Variants in FHIT observed in about 807,000 individuals in gnomAD.
The protein encoded by FHIT is bis(5'-adenosyl)-triphosphatase.
Under a neutral mutation model 17.9 loss-of-function variants are expected in FHIT, and 19 were observed. The ratio of observed to expected loss-of-function variants is 1.06; its 90% CI spans 0.74 to 1.56. The LOEUF (loss-of-function observed/expected upper bound fraction) is 1.56. Ranked by LOEUF, FHIT falls within the 40% of genes most tolerant of loss-of-function variation. The pLI, the probability that FHIT is intolerant of heterozygous loss-of-function variation, is 0.00. For missense variants in FHIT, 248 were observed against 189.2 expected (o/e 1.31, Z -1.82); for synonymous variants, 81 against 69.7 (o/e 1.16, Z -0.81).
intron 5 of FHIT, among the ~76,000 whole-genome samples, chr3:60,258,198 CTGGCAGGTGACTAGTCTGTGGTGT>C (rs1706112375): frequency 6.6e-6 from 1 of 152,044 alleles, no homozygotes; most frequent in Non-Finnish European, 1.5e-5. Flanking sequence ...ATTTCCCTTC[CTGGCAGGTGACTAGTCTGTGGTGT>C]TGTACATCCC....
chr3:60,928,202 C>G (rs139211923), intron 3 of FHIT, among the ~76,000 whole-genome samples: 1 of 151,874 alleles, frequency 6.6e-6, no homozygotes, highest in African/African-American at 2.4e-5. Context: ...CCTAGGAAAA[C>G]CAGAGACCTT....
intron 4 of FHIT, among the ~76,000 whole-genome samples, chr3:60,691,112 T>C (rs1160098879): frequency 1.3e-5 from 2 of 150,476 alleles, no homozygotes; most frequent in African/African-American, 5.0e-5. Context: ...GTCCCTTCAA[T>C]TTTTGTTTTT....
intron 4 of FHIT, among the ~76,000 whole-genome samples, chr3:60,643,465 A>T (rs1327028363): frequency 6.6e-6 from 1 of 152,190 alleles, no homozygotes; most frequent in African/African-American, 2.4e-5. Flanking sequence ...AGCAAAAAGA[A>T]CAAATCTTAA....
intron 4 of FHIT, among the ~76,000 whole-genome samples, chr3:60,540,127 T>C (rs1559524380): frequency 6.6e-6 from 1 of 152,052 alleles, no homozygotes; most frequent in Non-Finnish European, 1.5e-5. Flanking sequence ...TAATGAAGCC[T>C]CTGTAAAAAC....
chr3:60,422,603 A>C (rs1252436168), intron 5 of FHIT, among the ~76,000 whole-genome samples: 2 of 152,170 alleles, frequency 1.3e-5, no homozygotes, highest in African/African-American at 4.8e-5. Context: ...AGACAGTTGC[A>C]GTAACTAAGA....
At chr3:60,313,283 C>T (rs1709027215) in intron 5 of FHIT, among the ~76,000 whole-genome samples, 1 of 152,202 alleles carries the variant, frequency 6.6e-6, no homozygotes, top group African/African-American at 2.4e-5. Flanking sequence ...TCAGGGATCA[C>T]AAGAGGAAAC....
At chr3:59,771,770 T>C (rs1439804904) in intron 8 of FHIT, among the ~76,000 whole-genome samples, 2 of 152,160 alleles carry the variant, frequency 1.3e-5, no homozygotes, top group Non-Finnish European at 2.9e-5. Context: ...CATAAAAAAA[T>C]TTCACAAATT....
rs370122377 is a variant in FHIT at position 59,830,573 on chromosome 3, C to T, written c.349-78252G>A. Among the ~76,000 whole-genome samples the T allele has an allele frequency of 7.0e-4, 107 of 152,300 alleles. 1 individual carries two copies. Among genetic ancestry groups the T allele is most frequent in the African/African-American group, 2.5e-3 (102 of 41,564 alleles). ...TGGGATTTTGCAGTGTGCAGTTTTC[C>T]CCAACAGGCCTAACATTAATCATTA... On this transcript the variant is annotated intron_variant, in intron 8 of 9. Transcript: ENST00000492590.
At chr3:60,772,163 A>G (rs1700066008) in intron 4 of FHIT, among the ~76,000 whole-genome samples, 1 of 152,136 alleles carries the variant, frequency 6.6e-6, no homozygotes, top group Non-Finnish European at 1.5e-5. Context: ...AGAAAAAAAA[A>G]AAGTTGCAGT....
chr3:59,836,622 C>T (rs1299447049), intron 8 of FHIT, among the ~76,000 whole-genome samples: 2 of 152,158 alleles, frequency 1.3e-5, no homozygotes, highest in African/African-American at 4.8e-5. Flanking sequence ...CATTAGAAAT[C>T]AAATCAGTAT....
chr3:60,094,277 C>T (rs1460133385), intron 5 of FHIT, among the ~76,000 whole-genome samples: 2 of 151,990 alleles, frequency 1.3e-5, no homozygotes, highest in Non-Finnish European at 2.9e-5. Context: ...AAATTAAAAC[C>T]CCATTAAGTG....
At chr3:60,053,384 A>G (rs1701960224) in intron 5 of FHIT, among the ~76,000 whole-genome samples, 1 of 148,626 alleles carries the variant, frequency 6.7e-6, no homozygotes, top group African/African-American at 2.5e-5. Flanking sequence ...CCTTAGCAAA[A>G]TGTCTGTCAC....
At chr3:60,725,537 C>T (rs1484914637) in intron 4 of FHIT, among the ~76,000 whole-genome samples, 1 of 152,146 alleles carries the variant, frequency 6.6e-6, no homozygotes, top group African/African-American at 2.4e-5. Flanking sequence ...TCTTTTGCAT[C>T]ACTCCAAGAC....
intron 5 of FHIT, among the ~76,000 whole-genome samples, chr3:60,190,597 C>A (rs888285083): frequency 3.3e-5 from 5 of 151,550 alleles, no homozygotes; most frequent in African/African-American, 1.2e-4. Context: ...AAAAATACAA[C>A]ATCACTGGGG....
chr3:61,220,644 T>C (rs1252977182), intron 1 of FHIT, among the ~76,000 whole-genome samples: 2 of 152,306 alleles, frequency 1.3e-5, no homozygotes, highest in Admixed American at 1.3e-4. Flanking sequence ...ACGGACCACA[T>C]CTGTCTTGTT....
chr3:60,895,273 C>A lies in FHIT; in HGVS notation c.-110-73262G>T, dbSNP rs6794021. Among the ~76,000 whole-genome samples the A allele has an allele frequency of 3.8e-3, 584 of 152,236 alleles. 5 individuals carry two copies. Among genetic ancestry groups the A allele is most frequent in the African/African-American group, 0.013 (560 of 41,526 alleles). On this transcript the variant is annotated intron_variant, in intron 3 of 9. Transcript: ENST00000492590. ...GCATACTACCTAAGTGATAGCATATCCTTCTCATTGCATTACATCAGTTGG... is the reference window on the plus strand; with the variant it reads ...GCATACTACCTAAGTGATAGCATATACTTCTCATTGCATTACATCAGTTGG...
chr3:60,643,076 C>A (rs2856061), intron 4 of FHIT, among the ~76,000 whole-genome samples: 1 of 152,152 alleles, frequency 6.6e-6, no homozygotes, highest in Non-Finnish European at 1.5e-5. Flanking sequence ...TCTTTGAGTA[C>A]CATTGCATTT....
intron 5 of FHIT, among the ~76,000 whole-genome samples, chr3:60,085,820 G>C (rs961562080): frequency 2.6e-5 from 4 of 152,288 alleles, no homozygotes; most frequent in African/African-American, 9.6e-5. Context: ...TGGCTCTACA[G>C]TGCTGCTGGC....
chr3:59,967,970 T>C (rs148146184), intron 7 of FHIT, among the ~76,000 whole-genome samples: 3 of 152,198 alleles, frequency 2.0e-5, no homozygotes, highest in South Asian at 2.1e-4. Flanking sequence ...TATGACATAC[T>C]CTCTCACAAT....
Sources: gnomAD v4.1 joint callset for allele counts (sites outside exome capture counted in the v4.1 genomes callset) on GRCh38, gnomAD v4.1.1 for gene constraint, MANE v1.5 for transcripts, NCBI Gene and HGNC (gene_info 2026-07-23, HGNC 2026-07-21) for gene names.